Variants in HSD17B4 observed in about 807,000 individuals in gnomAD.
The protein encoded by HSD17B4 is peroxisomal multifunctional enzyme type 2.
HSD17B4 carries 70 observed loss-of-function variants against 101.0 expected under a neutral mutation model. The observed-to-expected ratio is 0.69, with a 90% CI of 0.57 to 0.85. The LOEUF is 0.85. Ranked by LOEUF, HSD17B4 falls within the 40% of genes least tolerant of loss-of-function variation. The probability of loss-of-function intolerance (pLI) is 0.00; values close to 1 mark genes in which losing one functional copy is unlikely to be tolerated. For missense variants in HSD17B4, 984 were observed against 892.4 expected, an observed-to-expected ratio of 1.10 and a Z score of -1.31; for synonymous variants, 347 against 297.1, an observed-to-expected ratio of 1.17 and a Z score of -1.73.
At chr5:119,527,752 C>A (rs1468043852) in intron 20 of HSD17B4, among the ~76,000 whole-genome samples, 1 of 151,972 alleles carries the variant, frequency 6.6e-6, no homozygotes, top group Admixed American at 6.6e-5. Flanking sequence ...AGTTAATATC[C>A]TATAGAACAA....
At chr5:119,504,398 A>G (rs1751464660) in intron 14 of HSD17B4, among the ~76,000 whole-genome samples, 1 of 152,098 alleles carries the variant, frequency 6.6e-6, no homozygotes, top group Non-Finnish European at 1.5e-5. Flanking sequence ...ATTCCCTCCA[A>G]CAGTGTATAA....
intron 18 of HSD17B4, 74 bp downstream of exon 18, chr5:119,525,359 A>G (rs1473298546): frequency 1.1e-6 from 1 of 872,320 alleles, no homozygotes; most frequent in Non-Finnish European, 2.0e-6. Flanking sequence ...TAAAGACACT[A>G]CTACTTATGA....
At position 119,479,236 on chromosome 5, in the gene HSD17B4, TTTCA is replaced by T. The variant is rs1399370088; in HGVS notation, c.622+219_622+222del. Among the ~76,000 whole-genome samples the T allele has an allele frequency of 2.6e-5, 4 of 152,194 alleles. No individual in the cohort carries two copies. The East Asian group carries it at 7.7e-4, about 29-fold the overall frequency. On this transcript the variant is annotated intron_variant, in intron 8 of 23. Transcript: ENST00000510025. ...ATAATTCTACCACATCGATAAAAAC[TTTCA>T]TTCTTTTTCTCTGCATATTCATAAT...
intron 23 of HSD17B4, among the ~76,000 whole-genome samples, chr5:119,538,213 C>A (rs973527206): frequency 2.0e-5 from 3 of 152,140 alleles, no homozygotes; most frequent in Non-Finnish European, 4.4e-5. Context: ...AATTAATAAG[C>A]CCAGAAATGT....
At chr5:119,528,608 T>G (rs1288610083) in intron 20 of HSD17B4, among the ~76,000 whole-genome samples, 1 of 152,068 alleles carries the variant, frequency 6.6e-6, no homozygotes, top group Non-Finnish European at 1.5e-5. Flanking sequence ...ATGAGTAAGT[T>G]TTGCTTTTTG....
intron 6 of HSD17B4, chr5:119,476,682 G>A (rs1748613726): frequency 4.1e-6 from 4 of 985,494 alleles, no homozygotes; most frequent in Non-Finnish European, 4.8e-6. Context: ...CTGGCAAAGG[G>A]GGCCTATGTT....
intron 1 of HSD17B4, 52 bp downstream of exon 1, chr5:119,452,685 G>T (rs1444182057): frequency 3.1e-6 from 5 of 1,611,180 alleles, no homozygotes; most frequent in Admixed American, 1.7e-5. Flanking sequence ...GCAGCTGGCT[G>T]CTCTTTTCGG....
chr5:119,479,935 T>G (rs1295357133), intron 8 of HSD17B4, among the ~76,000 whole-genome samples: 1 of 152,134 alleles, frequency 6.6e-6, no homozygotes, highest in African/African-American at 2.4e-5. Flanking sequence ...CCAAAATGAT[T>G]GTATCATTTT....
At chr5:119,457,770 A>G (rs1205700272) in intron 2 of HSD17B4, among the ~76,000 whole-genome samples, 1 of 152,040 alleles carries the variant, frequency 6.6e-6, no homozygotes, top group Admixed American at 6.6e-5. Flanking sequence ...ATCTTGTTTT[A>G]TCTTTTGTAT....
chr5:119,497,077 C>A (rs187432564), intron 12 of HSD17B4, among the ~76,000 whole-genome samples: 1 of 152,108 alleles, frequency 6.6e-6, no homozygotes, highest in Non-Finnish European at 1.5e-5. Context: ...GCCTAGTAGC[C>A]GAGTGGGGCT....
intron 16 of HSD17B4, among the ~76,000 whole-genome samples, chr5:119,509,978 T>C (rs985995854): frequency 4.6e-5 from 7 of 152,232 alleles, no homozygotes; most frequent in Non-Finnish European, 2.9e-5. Context: ...AAGTTATACG[T>C]GAATTTTTGA....
intron 12 of HSD17B4, 53 bp downstream of exon 12, chr5:119,496,699 C>T: frequency 2.2e-6 from 2 of 914,594 alleles, no homozygotes; most frequent in Non-Finnish European, 3.7e-6. Context: ...CTTTCCCTCC[C>T]TTCTTCCCTC....
intron 13 of HSD17B4, among the ~76,000 whole-genome samples, chr5:119,500,975 T>C (rs774728293): frequency 2.0e-5 from 3 of 152,164 alleles, no homozygotes; most frequent in Non-Finnish European, 2.9e-5. Flanking sequence ...ACTTATTTAC[T>C]GGTGGATCAG....
At chr5:119,508,196 T>C (rs1751836238) in intron 15 of HSD17B4, among the ~76,000 whole-genome samples, 2 of 151,720 alleles carry the variant, frequency 1.3e-5, no homozygotes, top group African/African-American at 4.8e-5. Flanking sequence ...AGTTCTCTTT[T>C]AGTCTTCTCA....
intron 17 of HSD17B4, among the ~76,000 whole-genome samples, chr5:119,519,875 G>A (rs1024897983): frequency 5.3e-5 from 8 of 151,990 alleles, no homozygotes; most frequent in African/African-American, 1.7e-4. Flanking sequence ...TACACCAATT[G>A]TCAATTTTTA....
rs140438370 is a variant in HSD17B4 at position 119,455,699 on chromosome 5, T to G, written c.59-616T>G. Among the ~76,000 whole-genome samples, 636 of 152,230 alleles carry G rather than the reference T, an allele frequency of 4.2e-3. 3 individuals are homozygous for G. The highest frequency in any genetic ancestry group is 0.01 in the Middle Eastern group (3 of 294). On this transcript the variant is annotated intron_variant, in intron 1 of 23. Coordinates refer to ENST00000510025, the MANE Select transcript of HSD17B4 (RefSeq NM_000414.4). ...ACTGTGGGATACAGAAACCACTAGA[T>G]ATTTTAAGCAGCAAAGGATTCAATA...
At chr5:119,539,838 C>G (rs1754835559) in intron 23 of HSD17B4, among the ~76,000 whole-genome samples, 1 of 150,532 alleles carries the variant, frequency 6.6e-6, no homozygotes, top group African/African-American at 2.5e-5. Flanking sequence ...GCCTGTAGTT[C>G]CAGCACTTTG....
chr5:119,525,310 A>G (rs747783370), intron 18 of HSD17B4, 25 bp downstream of exon 18: 7 of 1,366,860 alleles, frequency 5.1e-6, no homozygotes, highest in Non-Finnish European at 7.3e-6. Context: ...ATATGTATCA[A>G]TGAAAAATAT....
intron 2 of HSD17B4, among the ~76,000 whole-genome samples, chr5:119,460,785 T>C (rs188394260): frequency 1.7e-3 from 252 of 152,150 alleles, no homozygotes; most frequent in African/African-American, 5.6e-3. Flanking sequence ...TGTAAAAATA[T>C]AATAGATGTA....
Sources: allele counts gnomAD v4.1 joint callset (sites outside exome capture counted in the v4.1 genomes callset), GRCh38; gene constraint gnomAD v4.1.1; transcripts MANE v1.5; gene names NCBI Gene and HGNC (gene_info 2026-07-23, HGNC 2026-07-21).